The following MARCHF7 variants were observed in gnomAD, a reference collection of about 807,000 sequenced individuals.
The protein encoded by MARCHF7 is membrane associated ring-CH-type finger 7, also known as E3 ubiquitin-protein ligase MARCHF7.
MARCHF7 carries 20 observed loss-of-function variants against 76.5 expected under a neutral mutation model. The ratio of observed to expected loss-of-function variants is 0.26; its 90% CI spans 0.18 to 0.38. The LOEUF (loss-of-function observed/expected upper bound fraction) is 0.38. MARCHF7 is among the 10% of genes least tolerant of loss of function. The pLI is 1.00. For synonymous variants in MARCHF7, 295 were observed against 293.0 expected, an observed-to-expected ratio of 1.01 and a Z score of -0.07; for missense variants, 797 against 812.9, an observed-to-expected ratio of 0.98 and a Z score of 0.24.
intron 8 of MARCHF7, among the ~76,000 whole-genome samples, chr2:159,757,436 TAGTACA>T (rs1388007563): frequency 6.6e-6 from 1 of 152,216 alleles, no homozygotes; most frequent in African/African-American, 2.4e-5. Flanking sequence ...AAAATAAGTC[TAGTACA>T]AGTTTAGGCA....
chr2:159,722,039 G>A (rs972728592), intron 3 of MARCHF7, among the ~76,000 whole-genome samples: 3 of 152,190 alleles, frequency 2.0e-5, no homozygotes, highest in African/African-American at 7.2e-5. Flanking sequence ...GATTGTACAT[G>A]TGAACTTTTT....
At chr2:159,730,293 A>G (rs779277981) in intron 4 of MARCHF7, among the ~76,000 whole-genome samples, 1 of 152,214 alleles carries the variant, frequency 6.6e-6, no homozygotes. Context: ...TTGATTTGCA[A>G]AAGTCTGATG....
rs1341740350 is a variant in MARCHF7, at chr2:159,745,933, A to G, written c.510A>G (p.Ser170=). The G allele has an allele frequency of 6.2e-7, 1 of 1,607,342 alleles. No homozygotes were observed. The highest frequency in any genetic ancestry group is 1.7e-5 in the Admixed American group (1 of 58,964). Residue 170 remains serine (S), a synonymous_variant, in exon 6 of 12, where the codon TCA becomes TCG. Transcript: ENST00000409175. Reference sequence around the variant, plus strand: ...ACCGAAGTGGTGATTTCACAACTTCATCATGTATGTATAAATTACATCAAG... The same window carrying G: ...ACCGAAGTGGTGATTTCACAACTTCGTCATGTATGTATAAATTACATCAAG... ...YSHRSGDFTT[S]SYVQDRVPSY... is the part of the protein sequence containing the mutation.
chr2:159,718,371 A>G (rs1013279017), intron 3 of MARCHF7, among the ~76,000 whole-genome samples: 1 of 152,206 alleles, frequency 6.6e-6, no homozygotes, highest in South Asian at 2.1e-4. Flanking sequence ...TTATTAATAC[A>G]TTAACATACA....
intron 8 of MARCHF7, among the ~76,000 whole-genome samples, chr2:159,753,016 C>G (rs1280461348): frequency 6.6e-6 from 1 of 152,078 alleles, no homozygotes; most frequent in East Asian, 1.9e-4. Context: ...CACAGTAGTT[C>G]TAGATGTTGG....
At chr2:159,749,342 GT>G (rs576827987) in intron 7 of MARCHF7, among the ~76,000 whole-genome samples, 1 of 150,572 alleles carries the variant, frequency 6.6e-6, no homozygotes, top group South Asian at 2.1e-4. Context: ...TTTTGTTTTT[GT>G]TTTTTTTTGT....
chr2:159,738,367 G>T (rs1314686489), intron 4 of MARCHF7, among the ~76,000 whole-genome samples: 1 of 152,194 alleles, frequency 6.6e-6, no homozygotes, highest in Admixed American at 6.5e-5. Context: ...TGGTGAGTGG[G>T]GGGTAGGAAG....
At position 159,762,885 on chromosome 2, in the gene MARCHF7, G is replaced by A. The variant is rs745720766; in HGVS notation, c.1899G>A (p.Glu633=). ...TGTTTGCTTCCCTGTTGAAGGCTGA[G>A]TATGAGTTTATCAGCTCTGGTCTCT... ...LHRAHANEQA[E]YEFISSGLYL... The change falls in exon 10 of 12, where the codon GAG becomes GAA. Residue 633 remains glutamate (E), a synonymous_variant. Coordinates refer to ENST00000409175, the MANE Select transcript of MARCHF7 (RefSeq NM_001282805.2). 1.1e-5 allele frequency: 18 copies of A among 1,602,118 alleles called. No homozygotes were observed. In the East Asian group the frequency reaches 3.2e-4, roughly 28 times the overall value.
intron 3 of MARCHF7, among the ~76,000 whole-genome samples, chr2:159,720,931 C>G (rs1701567655): frequency 6.6e-6 from 1 of 152,128 alleles, no homozygotes; most frequent in Non-Finnish European, 1.5e-5. Flanking sequence ...GATCTCGGCT[C>G]TCTGCAACCT....
chr2:159,748,426 G>C lies in MARCHF7; in HGVS notation c.1136G>C (p.Gly379Ala). The change falls in exon 7 of 12, where the codon GGT becomes GCT. Residue 379 changes from glycine (G) to alanine (A), a missense_variant. By Grantham distance (60) the Gly-to-Ala change is moderately conservative (BLOSUM62 0). This residue lies in a region of MARCHF7 where 643 missense variants were observed against 631.5 expected (regional missense o/e 1.02). Coordinates refer to ENST00000409175, the MANE Select transcript of MARCHF7 (RefSeq NM_001282805.2). ...GAAAATTTTAACCAAGAATCTGAAGGTAGAAATACAGGACCATGGTTATCT... is the reference window on the plus strand; with the variant it reads ...GAAAATTTTAACCAAGAATCTGAAGCTAGAAATACAGGACCATGGTTATCT... ...DSENFNQESEGRNTGPWLSSS... is the reference protein window; with the variant it reads ...DSENFNQESEARNTGPWLSSS... 6.2e-7 allele frequency: 1 copy of C among 1,614,100 alleles called. No homozygotes were observed. The highest frequency in any genetic ancestry group is 8.5e-7 in the Non-Finnish European group (1 of 1,180,014).
At chr2:159,723,557 T>C (rs1264636760) in intron 3 of MARCHF7, among the ~76,000 whole-genome samples, 4 of 152,182 alleles carry the variant, frequency 2.6e-5, no homozygotes. Flanking sequence ...GCTATTTCTT[T>C]TAGGACTTAC....
In MARCHF7 at chr2:159,748,158, A is replaced by G. The variant is rs575408321; in HGVS notation, c.868A>G (p.Met290Val). ...RRLLSRIASS[M>V]SSTFFSRRSS... ...ATTGCTGTCACGCATAGCTTCTAGC[A>G]TGTCATCTACTTTTTTTTCACGAAG... The change falls in exon 7 of 12, where the codon ATG becomes GTG. Residue 290 changes from methionine to valine, a missense_variant. Transcript: ENST00000409175. 41 of 1,613,208 alleles carry G rather than the reference A, an allele frequency of 2.5e-5. No homozygotes were observed. In the East Asian group the frequency reaches 7.1e-4, roughly 28 times the overall value.
chr2:159,764,210 TTTTGTGTGTG>T (rs745328851), intron 10 of MARCHF7, among the ~76,000 whole-genome samples: 5 of 103,326 alleles, frequency 4.8e-5, no homozygotes, highest in Admixed American at 4.6e-4. Context: ...TTCTTGGGAG[TTTTGTGTGTG>T]TGTGTGTGTG....
chr2:159,734,266 T>A lies in MARCHF7; in HGVS notation c.153+5091T>A, dbSNP rs1703181072. 2.6e-5 allele frequency among the ~76,000 whole-genome samples: 4 copies of A among 152,116 alleles called. No individual in the cohort carries two copies. The South Asian group carries it at 8.3e-4, about 32-fold the overall frequency. ...GAGGTTGATTACTTTTAATATGAAATAATTTTAAAAGGAGGCTTTTTATAA... is the reference window on the plus strand; with the variant it reads ...GAGGTTGATTACTTTTAATATGAAAAAATTTTAAAAGGAGGCTTTTTATAA... On this transcript the variant is annotated intron_variant, in intron 4 of 11. Transcript: ENST00000409175.
chr2:159,748,469 A>G lies in MARCHF7; in HGVS notation c.1179A>G (p.Arg393=), dbSNP rs894007061. 3 of 1,614,042 alleles carry G rather than the reference A, an allele frequency of 1.9e-6. No homozygotes were observed. In the African/African-American group the frequency reaches 4.0e-5, roughly 22 times the overall value. The change falls in exon 7 of 12, where the codon AGA becomes AGG. Residue 393 remains arginine (R), a synonymous_variant. Coordinates refer to ENST00000409175, the MANE Select transcript of MARCHF7 (RefSeq NM_001282805.2). ...GGTTATCTTCCTCACTTAGAAATAG[A>G]TGCACACCTTTGTTCTCTAGAAGGA... The part of the protein sequence containing the change: ...GPWLSSSLRN[R]CTPLFSRRRR...
intron 7 of MARCHF7, among the ~76,000 whole-genome samples, chr2:159,749,184 G>T (rs1328627931): frequency 6.6e-6 from 1 of 151,816 alleles, no homozygotes; most frequent in Non-Finnish European, 1.5e-5. Context: ...CACCATGTTG[G>T]TCAGGCTGGT....
At chr2:159,738,900 G>T (rs1703787724) in intron 4 of MARCHF7, among the ~76,000 whole-genome samples, 1 of 152,216 alleles carries the variant, frequency 6.6e-6, no homozygotes. Context: ...CAGGCTGTTT[G>T]TGCCAAGGGA....
intron 3 of MARCHF7, among the ~76,000 whole-genome samples, chr2:159,724,117 G>C (rs1318305737): frequency 6.6e-6 from 1 of 152,200 alleles, no homozygotes; most frequent in African/African-American, 2.4e-5. Context: ...TTGCATGTCT[G>C]AAAACATGTT....
At chr2:159,733,771 A>G (rs1703109453) in intron 4 of MARCHF7, 2 of 985,302 alleles carry the variant, frequency 2.0e-6, no homozygotes, top group South Asian at 9.4e-5. Flanking sequence ...TTTAGTTAAC[A>G]TGGATATTTG....
Sources: allele counts gnomAD v4.1 joint callset (sites outside exome capture counted in the v4.1 genomes callset), GRCh38; gene constraint gnomAD v4.1.1; regional missense constraint gnomAD v4.1.1; transcripts MANE v1.5; gene names NCBI Gene and HGNC (gene_info 2026-07-23, HGNC 2026-07-21).